ADGRF1: variants seen among roughly 807,000 people sequenced by gnomAD.
The protein encoded by ADGRF1 is adhesion G protein-coupled receptor F1, also known as G protein-coupled receptor 110.
In ADGRF1, 85 loss-of-function variants were observed where a neutral mutation model predicts 87.2. The ratio of observed to expected loss-of-function variants is 0.97; its 90% CI spans 0.82 to 1.17. The LOEUF is 1.17. ADGRF1 is among the 50% of genes most tolerant of loss of function. The probability of loss-of-function intolerance (pLI) is 0.00; values close to 1 mark genes in which losing one functional copy is unlikely to be tolerated. For synonymous variants in ADGRF1, 430 were observed against 408.8 expected (o/e 1.05, Z -0.63); for missense variants, 1,169 against 1,077.2 (o/e 1.09, Z -1.19).
chr6:47,032,593 A>G (rs1048260926), intron 1 of ADGRF1, among the ~76,000 whole-genome samples: 4 of 152,210 alleles, frequency 2.6e-5, no homozygotes, highest in African/African-American at 9.7e-5. Flanking sequence ...CAGCTTTGAC[A>G]TTTATCAACT....
intron 1 of ADGRF1, among the ~76,000 whole-genome samples, chr6:47,029,703 A>G (rs996031443): frequency 3.3e-5 from 5 of 152,216 alleles, no homozygotes; most frequent in African/African-American, 1.2e-4. Flanking sequence ...AAATCACAAA[A>G]TGTTAGAATT....
intron 7 of ADGRF1, chr6:47,018,713 A>C (rs1481095133): frequency 5.9e-6 from 3 of 507,872 alleles, no homozygotes; most frequent in African/African-American, 4.0e-5. Context: ...GGAGTTCAAG[A>C]CCAGACTGGT....
chr6:47,018,191 G>T, intron 7 of ADGRF1: 1 of 317,302 alleles, frequency 3.2e-6, no homozygotes, highest in Non-Finnish European at 5.7e-6. Context: ...GGGAGTGCCC[G>T]AGCTCAAGTA....
At chr6:47,026,392 C>A (rs953989892) in intron 3 of ADGRF1, among the ~76,000 whole-genome samples, 3 of 151,244 alleles carry the variant, frequency 2.0e-5, no homozygotes, top group Non-Finnish European at 4.4e-5. Context: ...CAGCTCTGAT[C>A]TCCTTGAAGT....
Position 47,003,413 on chromosome 6 carries a change from C to T in ADGRF1, c.2593-1846G>A, listed in dbSNP as rs138024651. On this transcript the variant is annotated intron_variant, in intron 13 of 14. Coordinates refer to ENST00000371253, the MANE Select transcript of ADGRF1 (RefSeq NM_153840.4). ...AAATTTATATTCTGTAGAAAATTCC[C>T]TTCCCTTTCTAGATCTTTTTCTGAT... 1.2e-3 allele frequency among the ~76,000 whole-genome samples: 182 copies of T among 152,270 alleles called. 1 individual carries two copies. Among genetic ancestry groups the T allele is most frequent in the African/African-American group, 4.1e-3 (172 of 41,562 alleles).
rs1205746939 is a variant in ADGRF1 at position 47,011,982 on chromosome 6, C to T, written c.1116+25G>A. 6 of 1,593,148 alleles carry T rather than the reference C, an allele frequency of 3.8e-6. No homozygotes were observed. In the Admixed American group the frequency reaches 1.0e-4, roughly 27 times the overall value. ...TACAGGATCAAGCATTTAAAGTGAG[C>T]CCTTCAAGCACAGGCAGACCATACC... On this transcript the variant is annotated intron_variant, in intron 10 of 14. Coordinates refer to ENST00000371253, the MANE Select transcript of ADGRF1 (RefSeq NM_153840.4).
chr6:47,016,922 G>C, intron 7 of ADGRF1, 154 bp from the exon 8 acceptor site: 1 of 909,458 alleles, frequency 1.1e-6, no homozygotes, highest in Non-Finnish European at 1.4e-6. Flanking sequence ...AAAAAAACAA[G>C]TATCCACCAA....
intron 3 of ADGRF1, 94 bp downstream of exon 3, chr6:47,027,610 G>T: frequency 1.3e-6 from 1 of 771,022 alleles, no homozygotes; most frequent in Non-Finnish European, 2.3e-6. Context: ...AATGTGCCTA[G>T]GATCATACAA....
intron 1 of ADGRF1, among the ~76,000 whole-genome samples, chr6:47,031,386 T>TCC (rs1561881176): frequency 9.4e-4 from 133 of 141,194 alleles, no homozygotes; most frequent in Admixed American, 2.8e-3. Context: ...TCTCTCTCTC[T>TCC]CCTTGAAAAA....
intron 9 of ADGRF1, chr6:47,012,892 C>T: frequency 1.6e-6 from 1 of 635,874 alleles, no homozygotes. Context: ...GCCTCAGCCT[C>T]CCAAGTAGCT....
In ADGRF1 at chr6:47,009,867, G is replaced by T. The variant is rs1309899651; in HGVS notation, c.1568C>A (p.Ser523Tyr). The T allele has an allele frequency of 1.9e-6, 3 of 1,613,772 alleles. No individual in the cohort carries two copies. Among genetic ancestry groups the T allele is most frequent in the Admixed American group, 1.7e-5 (1 of 59,974 alleles). The change falls in exon 11 of 15, where the codon TCC (serine) becomes TAC (tyrosine). Residue 523 changes from serine (S) to tyrosine (Y), a missense_variant. Transcript: ENST00000371253. ...CTGGCTCAGGTTTGACTCTATCTTG[G>T]AAAAAAATAGGAAAACTTCATTTAT... ...YSINEVFLFF[S>Y]KIESNLSQPH...
In ADGRF1 at chr6:47,000,085, T is replaced by G; in HGVS notation, c.*137A>C. ...CAAAAGGGAGCAGTAATGAAGCCAC[T>G]GAGACATTCTTGTTTTATTCCCAGA... is the stretch of plus-strand genomic sequence containing the variant. On this transcript the variant is annotated 3_prime_UTR_variant, in exon 15 of 15. Coordinates refer to ENST00000371253, the MANE Select transcript of ADGRF1 (RefSeq NM_153840.4). 1.6e-6 allele frequency: 1 copy of G among 637,810 alleles called. No individual in the cohort carries two copies. Among genetic ancestry groups the G allele is most frequent in the South Asian group, 1.8e-5 (1 of 55,350 alleles). 39.5% of individuals were successfully genotyped at this position (637,810 alleles called of 1,614,324 possible).
At chr6:47,024,359 G>A (rs1482918802) in intron 4 of ADGRF1, 142 bp from the exon 5 acceptor site, 1 of 651,776 alleles carries the variant, frequency 1.5e-6, no homozygotes, top group Non-Finnish European at 2.6e-6. Flanking sequence ...TTGTTGCCTA[G>A]GCTAGAATAC....
intron 11 of ADGRF1, among the ~76,000 whole-genome samples, chr6:47,008,680 C>A (rs1779600454): frequency 6.6e-6 from 1 of 152,232 alleles, no homozygotes; most frequent in Non-Finnish European, 1.5e-5. Flanking sequence ...ACTGAGTCAG[C>A]AGCAAGCGAG....
At chr6:47,012,236 G>A (rs1388580682) in intron 9 of ADGRF1, 41 bp from the exon 10 acceptor site, 2 of 1,592,934 alleles carry the variant, frequency 1.3e-6, no homozygotes, top group Non-Finnish European at 1.7e-6. Context: ...ACAATGACAT[G>A]CTGTGTTTCA....
rs1308968155 is a variant in ADGRF1 at position 47,018,181 on chromosome 6, G to A, written c.612-1413C>T. The A allele has an allele frequency of 1.3e-5, 4 of 299,844 alleles. 1 individual carries two copies. Among genetic ancestry groups the A allele is most frequent in the Non-Finnish European group, 2.5e-5 (4 of 161,116 alleles). The allele number at this position is 299,844 out of a possible 1,614,324, so 18.6% of individuals were successfully genotyped here. ...TTGGTTATTTGAGTCTGGAGTTCAGGGGAGTGCCCGAGCTCAAGTAATAAA... is the reference window on the plus strand; with the variant it reads ...TTGGTTATTTGAGTCTGGAGTTCAGAGGAGTGCCCGAGCTCAAGTAATAAA... On this transcript the variant is annotated intron_variant, in intron 7 of 14. Transcript: ENST00000371253.
chr6:47,026,398 G>C (rs1408681826), intron 3 of ADGRF1, among the ~76,000 whole-genome samples: 1 of 148,432 alleles, frequency 6.7e-6, no homozygotes, highest in Non-Finnish European at 1.5e-5. Context: ...TGATCTCCTT[G>C]AAGTATCTCC....
chr6:47,018,632 C>T, intron 7 of ADGRF1: 1 of 1,286,508 alleles, frequency 7.8e-7, no homozygotes, highest in Non-Finnish European at 1.0e-6. Flanking sequence ...TTATTTTAAT[C>T]TGGGCATGGT....
Position 47,010,030 on chromosome 6 carries a change from C to G in ADGRF1, c.1405G>C (p.Asp469His). Residue 469 changes from aspartate to histidine, a missense_variant, in exon 11 of 15, where the codon GAC becomes CAC. Physicochemically the swap from Asp to His is moderately conservative, Grantham distance 81 (BLOSUM62 -1). Coordinates refer to ENST00000371253, the MANE Select transcript of ADGRF1 (RefSeq NM_153840.4). ...PIRGRVLIGS[D>H]QFQRSLPETI... ...TCTGGAAGGGATCTCTGGAATTGGT[C>G]TGACCCAATTAACACACGGCCTCTG... The G allele has an allele frequency of 6.2e-7, 1 of 1,614,134 alleles. No individual in the cohort carries two copies. Among genetic ancestry groups the G allele is most frequent in the Non-Finnish European group, 8.5e-7 (1 of 1,180,018 alleles).
Sources: gnomAD v4.1 joint callset for allele counts (sites outside exome capture counted in the v4.1 genomes callset) on GRCh38, gnomAD v4.1.1 for gene constraint, MANE v1.5 for transcripts, NCBI Gene and HGNC (gene_info 2026-07-23, HGNC 2026-07-21) for gene names.